Variants in DOCK3 observed in about 807,000 individuals in gnomAD.
DOCK3 encodes the protein dedicator of cytokinesis 3.
DOCK3 carries 60 observed loss-of-function variants against 265.6 expected under a neutral mutation model. The observed-to-expected ratio is 0.23, with a 90% confidence interval of 0.18 to 0.28. The LOEUF is 0.28. Among genes scored for constraint, DOCK3 ranks in the 10% least tolerant of loss-of-function variants. The probability of loss-of-function intolerance (pLI) is 1.00; values close to 1 mark genes in which losing one functional copy is unlikely to be tolerated. For synonymous variants in DOCK3, 881 were observed against 938.0 expected (o/e 0.94, Z 1.11); for missense variants, 1,981 against 2,594.3 (o/e 0.76, Z 5.14).
Position 51,064,583 on chromosome 3 carries a change from G to T in DOCK3, c.451G>T (p.Asp151Tyr). ...TAAGCGGCACATCACCGTGCGCCTGGACTGGGGTAATGAGTAAGTATGAAA... is the reference window on the plus strand; with the variant it reads ...TAAGCGGCACATCACCGTGCGCCTGTACTGGGGTAATGAGTAAGTATGAAA... Reference protein sequence around the residue: ...EVKRHITVRLDWGNEHLGLDL... With the variant: ...EVKRHITVRLYWGNEHLGLDL... Residue 151 changes from aspartate to tyrosine, a missense_variant, in exon 6 of 53, where the codon GAC becomes TAC. Asp to Tyr is a radical substitution (Grantham distance 160). Transcript: ENST00000266037. 6.2e-7 allele frequency: 1 copy of T among 1,613,816 alleles called. No individual in the cohort carries two copies. The highest frequency in any genetic ancestry group is 1.1e-5 in the South Asian group (1 of 91,054).
Position 51,037,690 on chromosome 3 carries a change from T to TC in DOCK3, c.316-26757dup, listed in dbSNP as rs1559972751. Among the ~76,000 whole-genome samples, 12 of 152,322 alleles carry TC rather than the reference T, an allele frequency of 7.9e-5. No homozygotes were observed. The South Asian group carries it at 2.5e-3, about 32-fold the overall frequency. The stretch of plus-strand genomic sequence containing the variant: ...AGCATAATCAAGTGTTTTTTCTTCT[T>TC]CGTCTCATTGTTTTATTCATTAATC... On this transcript the variant is annotated intron_variant, in intron 5 of 52. Coordinates refer to ENST00000266037, the MANE Select transcript of DOCK3 (RefSeq NM_004947.5).
At chr3:50,893,306 A>G (rs559909309) in intron 4 of DOCK3, 16 of 257,636 alleles carry the variant, frequency 6.2e-5, no homozygotes, top group Non-Finnish European at 1.2e-4. Flanking sequence ...AGACAACTCA[A>G]AATAATAGTC....
chr3:51,021,968 T>C (rs2079614807), intron 5 of DOCK3, among the ~76,000 whole-genome samples: 1 of 152,176 alleles, frequency 6.6e-6, no homozygotes, highest in Admixed American at 6.5e-5. Context: ...GCCGAGAATT[T>C]ACATTTTTTA....
intron 1 of DOCK3, among the ~76,000 whole-genome samples, chr3:50,762,866 G>C (rs1363659647): frequency 1.3e-5 from 2 of 152,082 alleles, no homozygotes; most frequent in East Asian, 3.9e-4. Flanking sequence ...ATGAGAGTAA[G>C]TAATAATTGC....
intron 4 of DOCK3, among the ~76,000 whole-genome samples, chr3:50,910,999 GT>G (rs35682598): frequency 0.23 from 34,123 of 147,594 alleles, 4,744 homozygotes; most frequent in East Asian, 0.39. Flanking sequence ...TCATTTGTCT[GT>G]TTTTTTTTTG....
At chr3:51,103,872 G>C (rs930755671) in intron 9 of DOCK3, among the ~76,000 whole-genome samples, 1 of 152,178 alleles carries the variant, frequency 6.6e-6, no homozygotes, top group Non-Finnish European at 1.5e-5. Context: ...TAATGTCCTG[G>C]GGATATACTA....
intron 32 of DOCK3, among the ~76,000 whole-genome samples, chr3:51,327,684 T>A (rs922973074): frequency 6.8e-6 from 1 of 147,602 alleles, no homozygotes; most frequent in Non-Finnish European, 1.5e-5. Context: ...AGCTTTTTTT[T>A]TTTTTTTTTT....
intron 3 of DOCK3, among the ~76,000 whole-genome samples, chr3:50,875,353 A>G (rs2047652257): frequency 6.6e-6 from 1 of 152,158 alleles, no homozygotes; most frequent in African/African-American, 2.4e-5. Flanking sequence ...AAGTGGTGGA[A>G]GTCTTATCTT....
At chr3:51,235,036 C>G (rs2078296770) in intron 19 of DOCK3, among the ~76,000 whole-genome samples, 1 of 152,222 alleles carries the variant, frequency 6.6e-6, no homozygotes, top group Non-Finnish European at 1.5e-5. Context: ...TCACAAGCGT[C>G]AAATGAATTA....
intron 23 of DOCK3, among the ~76,000 whole-genome samples, chr3:51,264,829 A>AAAATAAATAAAT (rs71084138): frequency 0.18 from 25,601 of 142,042 alleles, 2,534 homozygotes; most frequent in South Asian, 0.3. Context: ...TCAGTCTCAA[A>AAAATAAATAAAT]AAATAAATAA....
chr3:51,011,164 C>T (rs1212048734), intron 5 of DOCK3, among the ~76,000 whole-genome samples: 5 of 152,040 alleles, frequency 3.3e-5, no homozygotes, highest in East Asian at 3.9e-4. Context: ...TGAATGTTGG[C>T]GTGTCTTGCT....
chr3:50,967,180 C>G (rs1251306541), intron 5 of DOCK3, among the ~76,000 whole-genome samples: 1 of 152,038 alleles, frequency 6.6e-6, no homozygotes, highest in Non-Finnish European at 1.5e-5. Flanking sequence ...CATTCCTGCC[C>G]ACATTTTGTA....
intron 49 of DOCK3, among the ~76,000 whole-genome samples, chr3:51,367,505 T>A (rs2087294278): frequency 6.6e-6 from 1 of 152,222 alleles, no homozygotes; most frequent in Non-Finnish European, 1.5e-5. Context: ...AGGTTAATAT[T>A]GTTATGTGTG....
chr3:50,678,071 T>A lies in DOCK3; in HGVS notation c.37+2771T>A, dbSNP rs528002307. Among the ~76,000 whole-genome samples, 15 of 144,086 alleles carry A rather than the reference T, an allele frequency of 1.0e-4. 1 individual carries two copies. The East Asian group carries it at 2.8e-3, about 26-fold the overall frequency. 94.5% of individuals were successfully genotyped at this position (144,086 alleles called of 152,430 possible). On this transcript the variant is annotated intron_variant, in intron 1 of 52. Coordinates refer to ENST00000266037, the MANE Select transcript of DOCK3 (RefSeq NM_004947.5). The stretch of plus-strand genomic sequence containing the variant: ...GAAACTGGATCCCAAAGGTTGTTAA[T>A]TTTTTTTTTTTTGTCCTTCAACGAT...
intron 9 of DOCK3, among the ~76,000 whole-genome samples, chr3:51,122,323 A>G (rs565066168): frequency 7.9e-5 from 12 of 152,296 alleles, no homozygotes; most frequent in Non-Finnish European, 1.5e-4. Flanking sequence ...CTACAAAAAA[A>G]TTTAAAAGTA....
chr3:50,820,508 C>CT (rs1010920297), intron 2 of DOCK3, among the ~76,000 whole-genome samples: 1 of 152,172 alleles, frequency 6.6e-6, no homozygotes, highest in Non-Finnish European at 1.5e-5. Context: ...TGATTTCATT[C>CT]TTTTTTTATG....
intron 3 of DOCK3, among the ~76,000 whole-genome samples, chr3:50,847,294 T>C (rs1449066071): frequency 1.3e-5 from 2 of 152,232 alleles, no homozygotes; most frequent in African/African-American, 4.8e-5. Flanking sequence ...AGCAATCTTC[T>C]TGGTATTCAT....
At chr3:51,250,452 C>T (rs1419114401) in intron 22 of DOCK3, among the ~76,000 whole-genome samples, 4 of 152,106 alleles carry the variant, frequency 2.6e-5, no homozygotes, top group Non-Finnish European at 5.9e-5. Context: ...AACCCCATCT[C>T]TACTGAAAAT....
intron 23 of DOCK3, among the ~76,000 whole-genome samples, chr3:51,267,511 A>T (rs890001709): frequency 1.3e-5 from 2 of 151,020 alleles, no homozygotes; most frequent in African/African-American, 4.9e-5. Context: ...CAGCCTCCTG[A>T]CTAGCTGGGA....
Sources: gnomAD v4.1 joint callset for allele counts (sites outside exome capture counted in the v4.1 genomes callset) on GRCh38, gnomAD v4.1.1 for gene constraint, MANE v1.5 for transcripts, NCBI Gene and HGNC (gene_info 2026-07-23, HGNC 2026-07-21) for gene names.